Variants in KIAA2012 observed in about 807,000 individuals in gnomAD.
The protein encoded by KIAA2012 is uncharacterized protein KIAA2012.
Under a neutral mutation model 150.6 loss-of-function variants are expected in KIAA2012, and 125 were observed. That is an observed-to-expected ratio of 0.83 (90% CI 0.72 to 0.96). KIAA2012 has a LOEUF of 0.96. KIAA2012 is among the 40% of genes least tolerant of loss of function. KIAA2012 has a pLI of 0.00. For synonymous variants in KIAA2012, 462 were observed against 504.7 expected (o/e 0.92, Z 1.13); for missense variants, 1,219 against 1,354.9 (o/e 0.90, Z 1.57).
At position 202,093,156 on chromosome 2, in the gene KIAA2012, G is replaced by A. The variant is rs1353725126; in HGVS notation, c.656G>A (p.Trp219Ter). 7 of 1,551,124 alleles carry A rather than the reference G, an allele frequency of 4.5e-6. No homozygotes were observed. In the Admixed American group the frequency reaches 1.2e-4, roughly 26 times the overall value. Residue 219 changes from tryptophan (W) to a stop codon, truncating the protein, a stop_gained, in exon 4 of 24, where the codon TGG (tryptophan) becomes TAG (stop). Transcript: ENST00000498697. LOFTEE classifies it high-confidence loss of function. Reference protein sequence around the residue: ...YHLLPVFPSFWIQQGKSFEQR... With the variant: ...YHLLPVFPSF ...CTCCTGCCTGTCTTCCCTTCATTTTGGATTCAACAAGGAAAATCTTTTGAA... is the reference window on the plus strand; with the variant it reads ...CTCCTGCCTGTCTTCCCTTCATTTTAGATTCAACAAGGAAAATCTTTTGAA...
chr2:202,105,922 C>G lies in KIAA2012; in HGVS notation c.1474+12C>G, dbSNP rs779482810. 6.4e-7 allele frequency: 1 copy of G among 1,550,884 alleles called. No individual in the cohort carries two copies. The highest frequency in any genetic ancestry group is 1.2e-5 in the South Asian group (1 of 84,060). ...ACTCTCACCTCAAGGTAGCTCCTCC[C>G]TCCCTCCAGCATCCCTCGGGAACCT... On this transcript the variant is annotated intron_variant, in intron 9 of 23. Coordinates refer to ENST00000498697, the MANE Select transcript of KIAA2012 (RefSeq NM_001277372.4).
At chr2:202,162,100 C>G (rs2105719252) in intron 14 of KIAA2012, among the ~76,000 whole-genome samples, 1 of 151,886 alleles carries the variant, frequency 6.6e-6, no homozygotes, top group East Asian at 1.9e-4. Context: ...AAACAGTATG[C>G]CTTCCAGCTG....
At chr2:202,173,185 C>T (rs1215145357) in intron 15 of KIAA2012, among the ~76,000 whole-genome samples, 2 of 152,196 alleles carry the variant, frequency 1.3e-5, no homozygotes, top group African/African-American at 2.4e-5. Context: ...TTCTCTTCAC[C>T]TTCCAGGAAG....
chr2:202,155,273 C>A (rs893351796), intron 14 of KIAA2012, among the ~76,000 whole-genome samples: 2 of 152,112 alleles, frequency 1.3e-5, no homozygotes, highest in Non-Finnish European at 2.9e-5. Context: ...TCTAAGAGTT[C>A]ATTGATCTCA....
At chr2:202,123,783 CT>C (rs985025239) in intron 11 of KIAA2012, among the ~76,000 whole-genome samples, 55 of 152,196 alleles carry the variant, frequency 3.6e-4, no homozygotes, top group Non-Finnish European at 2.4e-4. Context: ...TCTAGGATTC[CT>C]TTTTTTCTTC....
At chr2:202,116,897 G>A (rs1690542573) in intron 11 of KIAA2012, 1 of 152,194 alleles carries the variant, frequency 6.6e-6, no homozygotes, top group East Asian at 1.9e-4. Flanking sequence ...TCTGGGGAAA[G>A]CCAACCACCA....
intron 23 of KIAA2012, among the ~76,000 whole-genome samples, chr2:202,204,087 T>C (rs905541739): frequency 6.6e-6 from 1 of 151,304 alleles, no homozygotes; most frequent in African/African-American, 2.4e-5. Flanking sequence ...TTTTTTTTTT[T>C]TTTTTTTAAG....
chr2:202,113,505 C>T, intron 11 of KIAA2012, 59 bp downstream of exon 11: 1 of 1,191,464 alleles, frequency 8.4e-7, no homozygotes, highest in Non-Finnish European at 1.2e-6. Context: ...GAAGATGTTA[C>T]CTGCAGCTTC....
At chr2:202,147,049 C>G (rs1236739640) in intron 13 of KIAA2012, among the ~76,000 whole-genome samples, 2 of 152,116 alleles carry the variant, frequency 1.3e-5, no homozygotes, top group Admixed American at 6.6e-5. Context: ...CATTATAAAA[C>G]AGAACTTGGA....
chr2:202,192,949 T>G (rs998979088), intron 19 of KIAA2012, among the ~76,000 whole-genome samples: 3 of 152,210 alleles, frequency 2.0e-5, no homozygotes, highest in African/African-American at 7.2e-5. Context: ...TGGGTGATTC[T>G]AAAGTGCAGC....
chr2:202,125,410 G>T (rs1168246049), intron 12 of KIAA2012, 128 bp downstream of exon 12: 11 of 721,974 alleles, frequency 1.5e-5, no homozygotes, highest in African/African-American at 3.6e-5. Flanking sequence ...TAGCAGAGAG[G>T]ATTTGCTTCT....
At chr2:202,092,334 C>T (rs561458656) in intron 3 of KIAA2012, among the ~76,000 whole-genome samples, 6 of 152,326 alleles carry the variant, frequency 3.9e-5, no homozygotes, top group African/African-American at 1.4e-4. Flanking sequence ...CAGAGCTCCC[C>T]ACTTTATGAT....
In KIAA2012 at chr2:202,104,450, C is replaced by T. The variant is rs888716026; in HGVS notation, c.1325-1311C>T. ...GCACACCACACCATGCAGGGCCACACGGGGGCGCACCAGCCTCCAGGAGGC... is the reference window on the plus strand; with the variant it reads ...GCACACCACACCATGCAGGGCCACATGGGGGCGCACCAGCCTCCAGGAGGC... On this transcript the variant is annotated intron_variant, in intron 8 of 23. Transcript: ENST00000498697. This position sits in a 1 kb window ranked among gnomAD's most constrained non-coding sequence, Gnocchi z 4.3. Among the ~76,000 whole-genome samples the T allele has an allele frequency of 6.6e-6, 1 of 152,150 alleles. No individual in the cohort carries two copies. Among genetic ancestry groups the T allele is most frequent in the Non-Finnish European group, 1.5e-5 (1 of 68,014 alleles).
chr2:202,116,799 T>G (rs976483247), intron 11 of KIAA2012: 1 of 152,174 alleles, frequency 6.6e-6, no homozygotes, highest in Non-Finnish European at 1.5e-5. Context: ...AGATAGACTA[T>G]GGCAGAATTG....
At chr2:202,101,442 C>T (rs1325481337) in intron 7 of KIAA2012, among the ~76,000 whole-genome samples, 1 of 152,198 alleles carries the variant, frequency 6.6e-6, no homozygotes, top group Non-Finnish European at 1.5e-5. Flanking sequence ...TCACCACAGG[C>T]CCAAGGAAAG....
chr2:202,091,506 T>G (rs767319110), intron 3 of KIAA2012, among the ~76,000 whole-genome samples: 1 of 152,150 alleles, frequency 6.6e-6, no homozygotes, highest in African/African-American at 2.4e-5. Flanking sequence ...ACCCTTCTGA[T>G]GAACAGACCC....
At position 202,154,671 on chromosome 2, in the gene KIAA2012, A is replaced by G; in HGVS notation, c.1909-2A>G. 1 of 1,530,618 alleles carries G rather than the reference A, an allele frequency of 6.5e-7. No homozygotes were observed. The highest frequency in any genetic ancestry group is 8.8e-7 in the Non-Finnish European group (1 of 1,141,976). 94.8% of individuals were successfully genotyped at this position (1,530,618 alleles called of 1,614,324 possible). A position where few individuals can be genotyped will look rare whatever the true frequency, so the allele number is the denominator to read the frequency against. On this transcript the variant is annotated splice_acceptor_variant, in intron 13 of 23. Transcript: ENST00000498697. LOFTEE classifies it high-confidence loss of function. ...GTTCGGGCTTTCTGCTTCTCTTCAC[A>G]GGGAGCCCAGCAGTCCTTGGAGGCA...
chr2:202,081,847 T>C (rs1230654233), intron 2 of KIAA2012, among the ~76,000 whole-genome samples: 3 of 152,060 alleles, frequency 2.0e-5, no homozygotes, highest in Non-Finnish European at 4.4e-5. Context: ...GTGCCTGGCC[T>C]TAAACACTTT....
intron 22 of KIAA2012, chr2:202,197,539 A>T (rs1692435984): frequency 6.3e-6 from 1 of 157,674 alleles, no homozygotes; most frequent in Non-Finnish European, 1.4e-5. Context: ...AAAGCTAGCA[A>T]TAAATGCTAT....
Sources: gnomAD v4.1 joint callset for allele counts (sites outside exome capture counted in the v4.1 genomes callset) on GRCh38, gnomAD v4.1.1 for gene constraint, Gnocchi (gnomAD v3.1) non-coding constraint, MANE v1.5 for transcripts, NCBI Gene and HGNC (gene_info 2026-07-23, HGNC 2026-07-21) for gene names.